Variants in ADAM12 observed in about 807,000 individuals in gnomAD.
ADAM12 encodes the protein disintegrin and metalloproteinase domain-containing protein 12.
Under a neutral mutation model 106.4 loss-of-function variants are expected in ADAM12, and 70 were observed. That is an observed-to-expected ratio of 0.66 (90% CI 0.54 to 0.80). ADAM12 has a LOEUF of 0.80. Among genes scored for constraint, ADAM12 ranks in the 30% least tolerant of loss-of-function variants. ADAM12 has a pLI of 0.00. For missense variants in ADAM12, 1,010 were observed against 1,171.9 expected (o/e 0.86, Z 2.02); for synonymous variants, 420 against 433.5 (o/e 0.97, Z 0.39).
At position 126,330,447 on chromosome 10, in the gene ADAM12, C is replaced by T; in HGVS notation, c.151G>A (p.Asp51Asn). The T allele has an allele frequency of 6.2e-7, 1 of 1,613,882 alleles. No homozygotes were observed. ...AAGCTCTTCACTGGGATCCAGAGGT[C>T]CCCACTCCCAACAGAGGCACTGACA... is the stretch of plus-strand genomic sequence containing the variant. ...EVVSASVGSG[D>N]LWIPVKSFDS... The change falls in exon 2 of 23, where the codon GAC (aspartate) becomes AAC (asparagine). Residue 51 changes from aspartate (D) to asparagine (N), a missense_variant. Physicochemically the swap from Asp to Asn is conservative, Grantham distance 23 (BLOSUM62 1). Coordinates refer to ENST00000448723, the MANE Select transcript of ADAM12 (RefSeq NM_001288973.2).
At chr10:126,035,280 T>C (rs1017045359) in intron 21 of ADAM12, among the ~76,000 whole-genome samples, 4 of 152,192 alleles carry the variant, frequency 2.6e-5, no homozygotes, top group Non-Finnish European at 5.9e-5. Flanking sequence ...CTTTTAAGAA[T>C]CTCTCCTAGG....
chr10:126,090,189 GT>G (rs1955435586), intron 11 of ADAM12, among the ~76,000 whole-genome samples: 2 of 151,688 alleles, frequency 1.3e-5, no homozygotes, highest in South Asian at 4.2e-4. Context: ...TCACAGCTGT[GT>G]CCCTAACACC....
chr10:126,261,013 C>T (rs1958990655), intron 3 of ADAM12, among the ~76,000 whole-genome samples: 2 of 151,986 alleles, frequency 1.3e-5, no homozygotes, highest in Admixed American at 6.6e-5. Flanking sequence ...TAAAAATATA[C>T]AGGATAACAA....
At chr10:126,282,929 T>C (rs1959658119) in intron 2 of ADAM12, among the ~76,000 whole-genome samples, 1 of 152,162 alleles carries the variant, frequency 6.6e-6, no homozygotes, top group Non-Finnish European at 1.5e-5. Flanking sequence ...CTGTGTACTT[T>C]ATTTCTATCG....
intron 8 of ADAM12, among the ~76,000 whole-genome samples, chr10:126,106,182 T>A (rs12764903): frequency 1.3e-5 from 2 of 151,834 alleles, no homozygotes; most frequent in South Asian, 2.1e-4. Flanking sequence ...GGACTCACAG[T>A]AGGGGGAGTA....
At chr10:126,071,336 T>G in intron 12 of ADAM12, 141 bp downstream of exon 12, 1 of 948,590 alleles carries the variant, frequency 1.1e-6, no homozygotes. Flanking sequence ...TCACGGGGCT[T>G]GTTCAGGATG....
intron 2 of ADAM12, among the ~76,000 whole-genome samples, chr10:126,279,641 C>T (rs186040410): frequency 1.8e-4 from 28 of 151,986 alleles, no homozygotes; most frequent in South Asian, 6.2e-4. Flanking sequence ...GCAGGAGAAT[C>T]GCTTGAACCC....
At chr10:126,219,935 T>A (rs1235119534) in intron 3 of ADAM12, among the ~76,000 whole-genome samples, 3 of 152,176 alleles carry the variant, frequency 2.0e-5, no homozygotes, top group African/African-American at 7.2e-5. Context: ...ACAAGGCCAC[T>A]GGGAATTGGA....
At chr10:126,296,534 C>T (rs1232313087) in intron 2 of ADAM12, among the ~76,000 whole-genome samples, 6 of 152,216 alleles carry the variant, frequency 3.9e-5, no homozygotes. Flanking sequence ...GACACACACC[C>T]CTGTTCCCTC....
intron 10 of ADAM12, among the ~76,000 whole-genome samples, chr10:126,095,931 T>G (rs1254514463): frequency 1.3e-5 from 2 of 152,240 alleles, no homozygotes; most frequent in Non-Finnish European, 2.9e-5. Context: ...TGATACAGTC[T>G]GTGTGAGGCT....
At chr10:126,309,602 T>C (rs1419373005) in intron 2 of ADAM12, among the ~76,000 whole-genome samples, 1 of 152,116 alleles carries the variant, frequency 6.6e-6, no homozygotes, top group South Asian at 2.1e-4. Flanking sequence ...AAAATGGAGA[T>C]AAAATTAAAG....
Position 126,291,997 on chromosome 10 carries a change from A to C in ADAM12, c.187-13009T>G, listed in dbSNP as rs141720204. Among the ~76,000 whole-genome samples the C allele has an allele frequency of 1.3e-3, 201 of 152,048 alleles. 1 individual carries two copies. Among genetic ancestry groups the C allele is most frequent in the African/African-American group, 4.4e-3 (184 of 41,468 alleles). ...GTTCAGCTTTTTTTTTTTCCCGTTGAAACATTAGAAAAATCAGCCAGTCAT... is the reference window on the plus strand; with the variant it reads ...GTTCAGCTTTTTTTTTTTCCCGTTGCAACATTAGAAAAATCAGCCAGTCAT... On this transcript the variant is annotated intron_variant, in intron 2 of 22. Transcript: ENST00000448723.
intron 1 of ADAM12, among the ~76,000 whole-genome samples, chr10:126,380,894 T>C (rs1259218169): frequency 6.6e-6 from 1 of 152,202 alleles, no homozygotes; most frequent in Non-Finnish European, 1.5e-5. Flanking sequence ...TTGTAAATCA[T>C]GGACGCTGCA....
At chr10:126,258,949 C>A (rs777814050) in intron 3 of ADAM12, among the ~76,000 whole-genome samples, 5 of 152,176 alleles carry the variant, frequency 3.3e-5, no homozygotes, top group Non-Finnish European at 5.9e-5. Context: ...AGGGCTGTTT[C>A]CCCCCTGTTC....
chr10:126,330,273 G>T, intron 2 of ADAM12, 139 bp downstream of exon 2: 1 of 738,820 alleles, frequency 1.4e-6, no homozygotes, highest in Non-Finnish European at 2.2e-6. Flanking sequence ...TTTGGCTTAA[G>T]AATAAAGCTT....
chr10:126,326,781 G>A (rs1854319238), intron 2 of ADAM12, among the ~76,000 whole-genome samples: 1 of 152,004 alleles, frequency 6.6e-6, no homozygotes, highest in African/African-American at 2.4e-5. Context: ...TCCCTCTGTC[G>A]CTGTTTCCTC....
intron 3 of ADAM12, among the ~76,000 whole-genome samples, chr10:126,243,095 C>G (rs1054878934): frequency 1.3e-5 from 2 of 152,198 alleles, no homozygotes; most frequent in Non-Finnish European, 2.9e-5. Context: ...TGCAGAGCAG[C>G]TGTGATGGCT....
At chr10:126,115,646 C>T (rs1400556174) in intron 6 of ADAM12, among the ~76,000 whole-genome samples, 2 of 152,146 alleles carry the variant, frequency 1.3e-5, no homozygotes, top group Admixed American at 1.3e-4. Flanking sequence ...TCAGAGTCTG[C>T]AAACCAGTCT....
In ADAM12 at chr10:126,338,246, A is replaced by ATTTTTTTTTTT. The variant is rs200317403; in HGVS notation, c.89-7748_89-7738dup. ...AAAGTCACTTACAACAGTAACTTAC[A>ATTTTTTTTTTT]TTTTTTTTTTTTTTTTTTTTTTTTG... is the stretch of plus-strand genomic sequence containing the variant. On this transcript the variant is annotated intron_variant, in intron 1 of 22. Transcript: ENST00000448723. 5.6e-5 allele frequency among the ~76,000 whole-genome samples: 5 copies of ATTTTTTTTTTT among 89,840 alleles called. No homozygotes were observed. The East Asian group carries it at 1.1e-3, about 19-fold the overall frequency. The allele number at this position is 89,840 out of a possible 152,430, so 58.9% of individuals were successfully genotyped here. A position where few individuals can be genotyped will look rare whatever the true frequency, so the allele number is the denominator to read the frequency against.
Sources: allele counts gnomAD v4.1 joint callset (sites outside exome capture counted in the v4.1 genomes callset), GRCh38; gene constraint gnomAD v4.1.1; transcripts MANE v1.5; gene names NCBI Gene and HGNC (gene_info 2026-07-23, HGNC 2026-07-21).